PLEK: variants seen among roughly 807,000 people sequenced by gnomAD.
The protein encoded by PLEK is pleckstrin, also known as platelet 47 kDa protein.
Under a neutral mutation model 43.9 loss-of-function variants are expected in PLEK, and 25 were observed. That is an observed-to-expected ratio of 0.57 (90% CI 0.41 to 0.79). The LOEUF is 0.79. Among genes scored for constraint, PLEK ranks in the 30% least tolerant of loss-of-function variants. The probability of loss-of-function intolerance (pLI) is 0.00; values close to 1 mark genes in which losing one functional copy is unlikely to be tolerated. For synonymous variants in PLEK, 152 were observed against 144.4 expected (o/e 1.05, Z -0.38); for missense variants, 396 against 413.3 (o/e 0.96, Z 0.36).
chr2:68,369,195 C>T (rs1235117182), intron 1 of PLEK, among the ~76,000 whole-genome samples: 1 of 152,186 alleles, frequency 6.6e-6, no homozygotes, highest in African/African-American at 2.4e-5. Context: ...CTTAAGACAA[C>T]TCAACAAAAT....
chr2:68,375,984 T>C (rs1673493385), intron 1 of PLEK, among the ~76,000 whole-genome samples: 1 of 152,232 alleles, frequency 6.6e-6, no homozygotes, highest in African/African-American at 2.4e-5. Context: ...ATAGACCTTT[T>C]GCAAGTGATT....
intron 1 of PLEK, among the ~76,000 whole-genome samples, chr2:68,368,056 T>C (rs1673317390): frequency 6.6e-6 from 1 of 152,240 alleles, no homozygotes. Flanking sequence ...TAGTGTTAAC[T>C]GTAAAACGTT....
intron 4 of PLEK, among the ~76,000 whole-genome samples, chr2:68,384,207 T>A (rs2103775730): frequency 6.6e-6 from 1 of 151,216 alleles, no homozygotes; most frequent in East Asian, 1.9e-4. Flanking sequence ...TTCTCCTCCT[T>A]CTTCCTCTTG....
intron 1 of PLEK, among the ~76,000 whole-genome samples, chr2:68,368,438 G>A (rs1279293328): frequency 6.6e-6 from 1 of 152,186 alleles, no homozygotes; most frequent in Non-Finnish European, 1.5e-5. Flanking sequence ...GATGACCTGG[G>A]ATTCAAATCC....
At chr2:68,385,953 T>C (rs998467013) in intron 4 of PLEK, among the ~76,000 whole-genome samples, 1 of 152,162 alleles carries the variant, frequency 6.6e-6, no homozygotes, top group African/African-American at 2.4e-5. Flanking sequence ...TAGCATCGAG[T>C]AGGTGCTCAG....
chr2:68,389,709 T>G (rs1371057503), intron 6 of PLEK, among the ~76,000 whole-genome samples: 4 of 152,172 alleles, frequency 2.6e-5, no homozygotes, highest in African/African-American at 9.7e-5. Context: ...TATTATAGTA[T>G]TTTTTTATGA....
At chr2:68,377,886 C>T (rs7567325) in intron 1 of PLEK, among the ~76,000 whole-genome samples, 80,165 of 152,040 alleles carry the variant, frequency 0.53, 22,680 homozygotes, top group East Asian at 0.76. Context: ...TATTTTCTTA[C>T]AGTCATAATG....
At chr2:68,394,684 G>C (rs1464168815) in intron 8 of PLEK, among the ~76,000 whole-genome samples, 1 of 152,226 alleles carries the variant, frequency 6.6e-6, no homozygotes, top group Non-Finnish European at 1.5e-5. Flanking sequence ...GCAATGCTGG[G>C]AAAACTCTAT....
At chr2:68,377,542 T>C (rs1179851604) in intron 1 of PLEK, among the ~76,000 whole-genome samples, 3 of 152,232 alleles carry the variant, frequency 2.0e-5, no homozygotes, top group Admixed American at 1.3e-4. Context: ...CACCTTTTCA[T>C]ATGCACACTT....
chr2:68,372,574 T>C (rs1673431691), intron 1 of PLEK, among the ~76,000 whole-genome samples: 1 of 152,134 alleles, frequency 6.6e-6, no homozygotes. Context: ...ATTATACCAG[T>C]CCCATGATGA....
At chr2:68,392,560 A>G (rs561217568) in intron 6 of PLEK, among the ~76,000 whole-genome samples, 1 of 152,232 alleles carries the variant, frequency 6.6e-6, no homozygotes, top group East Asian at 1.9e-4. Context: ...TTCTAGCCAG[A>G]CTGGTCTTAT....
At chr2:68,369,972 GC>G (rs1673367453) in intron 1 of PLEK, among the ~76,000 whole-genome samples, 1 of 137,488 alleles carries the variant, frequency 7.3e-6, no homozygotes, top group Non-Finnish European at 1.6e-5. Flanking sequence ...GTTTGTATAG[GC>G]ACAACACAAC....
At chr2:68,391,851 G>T (rs1673865405) in intron 6 of PLEK, among the ~76,000 whole-genome samples, 5 of 152,194 alleles carry the variant, frequency 3.3e-5, no homozygotes, top group African/African-American at 2.4e-5. Context: ...GGCTTCTGGA[G>T]TTAAGTCATT....
chr2:68,386,570 G>A lies in PLEK; in HGVS notation c.541G>A (p.Ala181Thr). 1.2e-6 allele frequency: 2 copies of A among 1,613,310 alleles called. No homozygotes were observed. Among genetic ancestry groups the A allele is most frequent in the Non-Finnish European group, 8.5e-7 (1 of 1,179,284 alleles). Residue 181 changes from alanine (A) to threonine (T), a missense_variant, in exon 5 of 9, where the codon GCT becomes ACT. By Grantham distance (58) the Ala-to-Thr change is moderately conservative (BLOSUM62 0). Coordinates refer to ENST00000234313, the MANE Select transcript of PLEK (RefSeq NM_002664.3). ...GAATCGCCAGGAAGGCCTCATGATTGCTTCATCGCTGCTCAATGAGGGGTA... is the reference window on the plus strand; with the variant it reads ...GAATCGCCAGGAAGGCCTCATGATTACTTCATCGCTGCTCAATGAGGGGTA... ...VRNRQEGLMI[A>T]SSLLNEGYLQ...
At chr2:68,374,939 G>A (rs1673474687) in intron 1 of PLEK, among the ~76,000 whole-genome samples, 1 of 152,096 alleles carries the variant, frequency 6.6e-6, no homozygotes, top group Non-Finnish European at 1.5e-5. Flanking sequence ...TTCTCCTGTT[G>A]ATGGGCATTT....
intron 1 of PLEK, among the ~76,000 whole-genome samples, chr2:68,370,389 A>G (rs1417174469): frequency 6.6e-6 from 1 of 152,248 alleles, no homozygotes; most frequent in Non-Finnish European, 1.5e-5. Flanking sequence ...TTGTGCATTC[A>G]TCACACTGAC....
intron 1 of PLEK, among the ~76,000 whole-genome samples, chr2:68,370,408 C>T (rs1467207579): frequency 6.6e-6 from 1 of 152,208 alleles, no homozygotes. Flanking sequence ...ACCTGGAGGT[C>T]ACTCTCTCCC....
chr2:68,366,145 T>C (rs913171357), intron 1 of PLEK, among the ~76,000 whole-genome samples: 1 of 152,210 alleles, frequency 6.6e-6, no homozygotes. Flanking sequence ...GGACTTGGTG[T>C]CCTGTGGGCA....
chr2:68,374,795 A>C (rs1417015610), intron 1 of PLEK, among the ~76,000 whole-genome samples: 4 of 152,212 alleles, frequency 2.6e-5, no homozygotes, highest in African/African-American at 9.6e-5. Flanking sequence ...TTCACTCAAC[A>C]TCTATGAGAT....
Sources: gnomAD v4.1 joint callset for allele counts (sites outside exome capture counted in the v4.1 genomes callset) on GRCh38, gnomAD v4.1.1 for gene constraint, MANE v1.5 for transcripts, NCBI Gene and HGNC (gene_info 2026-07-23, HGNC 2026-07-21) for gene names.